Variants in ASCC3 observed in about 807,000 individuals in gnomAD.
The protein encoded by ASCC3 is activating signal cointegrator 1 complex subunit 3, also known as ASC-1 complex subunit P200.
In ASCC3, 158 loss-of-function variants were observed where a neutral mutation model predicts 256.3. That is an observed-to-expected ratio of 0.62 (90% confidence interval 0.54 to 0.70). The LOEUF (loss-of-function observed/expected upper bound fraction) is 0.70. ASCC3 is among the 30% of genes least tolerant of loss of function. The pLI is 0.00. For synonymous variants in ASCC3, 948 were observed against 883.4 expected (o/e 1.07, Z -1.30); for missense variants, 2,259 against 2,626.0 (o/e 0.86, Z 3.05).
Position 100,605,599 on chromosome 6 carries a change from AT to A in ASCC3, c.5145del (p.Lys1715AsnfsTer9). 1 of 1,563,496 alleles carries A rather than the reference AT, an allele frequency of 6.4e-7. No homozygotes were observed. Among genetic ancestry groups the A allele is most frequent in the East Asian group, 2.2e-5 (1 of 44,526 alleles). ...VHDIKKDFYK[K>X]FLYEPFPVES... is the part of the protein sequence containing the mutation. Reference sequence around the variant, plus strand: ...TCTACTGGGAAAGGTTCATAAAGAAATTTTTTATAAAAGTCTTTCTTTATGT... The same window carrying A: ...TCTACTGGGAAAGGTTCATAAAGAAATTTTTATAAAAGTCTTTCTTTATGT... On this transcript the variant is annotated frameshift_variant, in exon 33 of 42. Transcript: ENST00000369162. LOFTEE classifies it high-confidence loss of function.
intron 13 of ASCC3, among the ~76,000 whole-genome samples, chr6:100,712,628 A>C (rs901999937): frequency 6.6e-6 from 1 of 152,124 alleles, no homozygotes; most frequent in Non-Finnish European, 1.5e-5. Context: ...CAAGGATGTG[A>C]GGATGTTGAA....
At chr6:100,731,438 A>C (rs190120910) in intron 10 of ASCC3, among the ~76,000 whole-genome samples, 7 of 152,364 alleles carry the variant, frequency 4.6e-5, no homozygotes, top group Admixed American at 4.6e-4. Context: ...AGAAAAATAC[A>C]AAATTGTTTA....
intron 37 of ASCC3, among the ~76,000 whole-genome samples, chr6:100,532,016 G>A (rs1774902641): frequency 6.6e-6 from 1 of 151,240 alleles, no homozygotes; most frequent in African/African-American, 2.4e-5. Flanking sequence ...TTGCACTATG[G>A]AACACAAATG....
At chr6:100,618,376 A>T (rs1312549932) in intron 30 of ASCC3, among the ~76,000 whole-genome samples, 1 of 152,242 alleles carries the variant, frequency 6.6e-6, no homozygotes, top group African/African-American at 2.4e-5. Flanking sequence ...ATGAACTCTT[A>T]GAACAGTGCC....
rs1774096568 is a variant in ASCC3, at chr6:100,623,959, C to T, written c.4785+1233G>A. ...GGAAGGGGAACATCACATACCAGGG[C>T]CTGTTGTGGGGTGGGAGGAGGGGGG... On this transcript the variant is annotated intron_variant, in intron 30 of 41. Coordinates refer to ENST00000369162, the MANE Select transcript of ASCC3 (RefSeq NM_006828.4). 1.3e-5 allele frequency among the ~76,000 whole-genome samples: 2 copies of T among 151,360 alleles called. 1 individual carries two copies. The highest frequency in any genetic ancestry group is 4.8e-5 in the African/African-American group (2 of 41,276).
intron 14 of ASCC3, among the ~76,000 whole-genome samples, chr6:100,667,616 C>A (rs1222371259): frequency 2.0e-5 from 3 of 151,824 alleles, no homozygotes; most frequent in Non-Finnish European, 4.4e-5. Context: ...AGAAAGTAAC[C>A]AAGACTGGAT....
chr6:100,733,400 G>T (rs1191857714), intron 10 of ASCC3, among the ~76,000 whole-genome samples: 1 of 151,978 alleles, frequency 6.6e-6, no homozygotes, highest in African/African-American at 2.4e-5. Context: ...CCCTCCTTTG[G>T]GGGTGAGTGG....
At chr6:100,810,667 C>T (rs1211231798) in intron 4 of ASCC3, among the ~76,000 whole-genome samples, 1 of 152,024 alleles carries the variant, frequency 6.6e-6, no homozygotes. Flanking sequence ...AAGTAGGTTG[C>T]TTTTGACAAC....
intron 4 of ASCC3, among the ~76,000 whole-genome samples, chr6:100,813,184 G>A (rs1252458559): frequency 6.6e-6 from 1 of 152,100 alleles, no homozygotes; most frequent in African/African-American, 2.4e-5. Flanking sequence ...GGCCAGGTGC[G>A]GTGGCTCATG....
At chr6:100,795,957 CA>C (rs1349265752) in intron 8 of ASCC3, among the ~76,000 whole-genome samples, 3 of 152,250 alleles carry the variant, frequency 2.0e-5, no homozygotes, top group Middle Eastern at 3.4e-3. Flanking sequence ...TATTATTACT[CA>C]AGCTTATGAT....
intron 20 of ASCC3, among the ~76,000 whole-genome samples, chr6:100,647,951 G>T (rs1305117830): frequency 6.6e-6 from 1 of 152,042 alleles, no homozygotes; most frequent in Non-Finnish European, 1.5e-5. Flanking sequence ...CATACAAATG[G>T]CTTCCTATAA....
At chr6:100,598,063 C>T (rs995473726) in intron 34 of ASCC3, among the ~76,000 whole-genome samples, 1 of 151,246 alleles carries the variant, frequency 6.6e-6, no homozygotes, top group South Asian at 2.1e-4. Flanking sequence ...ACTTTTTAGA[C>T]TGTTAAGACT....
At chr6:100,556,654 T>C (rs1198105017) in intron 36 of ASCC3, among the ~76,000 whole-genome samples, 1 of 152,156 alleles carries the variant, frequency 6.6e-6, no homozygotes. Flanking sequence ...TATATAATTG[T>C]AGACTGTGGA....
intron 17 of ASCC3, among the ~76,000 whole-genome samples, chr6:100,653,942 C>T (rs1330679093): frequency 1.3e-5 from 2 of 151,738 alleles, no homozygotes; most frequent in Admixed American, 6.6e-5. Context: ...AGTATTAAAA[C>T]AATTTAGAAA....
At chr6:100,517,292 G>A (rs1438834085) in intron 38 of ASCC3, among the ~76,000 whole-genome samples, 2 of 152,094 alleles carry the variant, frequency 1.3e-5, no homozygotes, top group African/African-American at 2.4e-5. Context: ...GGAGTAGGGA[G>A]TGCATGACGG....
chr6:100,826,203 C>G (rs2114440149), intron 4 of ASCC3, among the ~76,000 whole-genome samples: 1 of 152,066 alleles, frequency 6.6e-6, no homozygotes. Flanking sequence ...GTGATCTTGG[C>G]TCACCGCAAC....
rs751357098 is a variant in ASCC3 at position 100,606,763 on chromosome 6, C to T, written c.5021G>A (p.Arg1674His). The T allele has an allele frequency of 4.0e-5, 65 of 1,606,518 alleles. No individual in the cohort carries two copies. Among genetic ancestry groups the T allele is most frequent in the Middle Eastern group, 1.7e-4 (1 of 5,794 alleles). The change falls in exon 32 of 42, where the codon CGT becomes CAT. Residue 1674 changes from arginine to histidine, a missense_variant. This residue lies in a region of ASCC3 where 1,839 missense variants were observed against 2,206.7 expected (regional missense o/e 0.83). Coordinates refer to ENST00000369162, the MANE Select transcript of ASCC3 (RefSeq NM_006828.4). Reference protein sequence around the residue: ...GTEYYDGKTRRYVDFPITDVL... With the variant: ...GTEYYDGKTRHYVDFPITDVL... ...ACCTGTAATGGGAAAATCCACATAA[C>T]GTCTTGTTTTTCCATCATAGTATTC...
intron 8 of ASCC3, among the ~76,000 whole-genome samples, chr6:100,777,588 T>C (rs1782251552): frequency 6.6e-6 from 1 of 152,054 alleles, no homozygotes. Flanking sequence ...TTAAATTAGG[T>C]TTCTAGAAAG....
intron 10 of ASCC3, among the ~76,000 whole-genome samples, chr6:100,729,468 A>G (rs1412759942): frequency 6.6e-6 from 1 of 152,186 alleles, no homozygotes; most frequent in Non-Finnish European, 1.5e-5. Context: ...ATGCACCTCA[A>G]TCCTTAAAAC....
Sources: allele counts gnomAD v4.1 joint callset (sites outside exome capture counted in the v4.1 genomes callset), GRCh38; gene constraint gnomAD v4.1.1; regional missense constraint gnomAD v4.1.1; transcripts MANE v1.5; gene names NCBI Gene and HGNC (gene_info 2026-07-23, HGNC 2026-07-21).